The following MSI2 variants were observed in gnomAD, a reference collection of about 807,000 sequenced individuals.
MSI2 encodes the protein RNA-binding protein Musashi homolog 2.
MSI2 carries 17 observed loss-of-function variants against 45.6 expected under a neutral mutation model. That is an observed-to-expected ratio of 0.37 (90% CI 0.26 to 0.56). The LOEUF is 0.56. Ranked by LOEUF, MSI2 falls within the 20% of genes least tolerant of loss-of-function variation. The pLI, the probability that MSI2 is intolerant of heterozygous loss-of-function variation, is 0.77. For synonymous variants in MSI2, 156 were observed against 158.2 expected (o/e 0.99, Z 0.11); for missense variants, 293 against 444.2 (o/e 0.66, Z 3.06).
At chr17:57,675,215 G>A (rs768140395) in intron 12 of MSI2, 89 bp downstream of exon 12, 20 of 1,317,920 alleles carry the variant, frequency 1.5e-5, no homozygotes, top group African/African-American at 2.9e-5. Context: ...GCCCAACATC[G>A]GGGGCAGAGG....
At chr17:57,427,917 G>T (rs1383649001) in intron 6 of MSI2, among the ~76,000 whole-genome samples, 2 of 151,850 alleles carry the variant, frequency 1.3e-5, no homozygotes, top group African/African-American at 4.8e-5. Flanking sequence ...CACATATTTT[G>T]AATAATTCTT....
At chr17:57,287,715 G>A (rs1910044835) in intron 5 of MSI2, among the ~76,000 whole-genome samples, 1 of 152,212 alleles carries the variant, frequency 6.6e-6, no homozygotes, top group African/African-American at 2.4e-5. Context: ...ACACCTGGCC[G>A]GCCTGGCAGT....
chr17:57,632,268 G>T, intron 10 of MSI2: 7 of 1,081,354 alleles, frequency 6.5e-6, no homozygotes, highest in Non-Finnish European at 7.9e-6. Context: ...GTGACTTGGA[G>T]CACCCGTGTC....
intron 6 of MSI2, among the ~76,000 whole-genome samples, chr17:57,471,878 GGA>G (rs1398279719): frequency 6.6e-6 from 1 of 152,212 alleles, no homozygotes; most frequent in African/African-American, 2.4e-5. Flanking sequence ...GGAGAGGAGA[GGA>G]GAGGGGAGGG....
At chr17:57,655,050 T>C (rs1328766190) in intron 11 of MSI2, among the ~76,000 whole-genome samples, 1 of 151,872 alleles carries the variant, frequency 6.6e-6, no homozygotes. Flanking sequence ...ATCAGGGCTA[T>C]GGTGTCAGGG....
intron 5 of MSI2, among the ~76,000 whole-genome samples, chr17:57,344,988 G>A (rs1363411069): frequency 6.6e-6 from 1 of 152,126 alleles, no homozygotes; most frequent in Non-Finnish European, 1.5e-5. Flanking sequence ...ACTTGAACCC[G>A]GGAGGTGGAG....
At chr17:57,698,892 A>AGTGTGT in the MSI2 span, among the ~76,000 whole-genome samples, 356 of 118,714 alleles carry the variant, frequency 3.0e-3, 16 homozygotes, top group Admixed American at 6.4e-3. Context: ...GATACAAGGA[A>AGTGTGT]GTGTGTGTGT....
chr17:57,309,736 C>T (rs1281397140), intron 5 of MSI2, among the ~76,000 whole-genome samples: 1 of 151,968 alleles, frequency 6.6e-6, no homozygotes, highest in Admixed American at 6.5e-5. Context: ...AGGAAGGAGT[C>T]GTTGGGGAAG....
intron 5 of MSI2, among the ~76,000 whole-genome samples, chr17:57,337,262 C>T (rs1914755519): frequency 6.6e-6 from 1 of 152,154 alleles, no homozygotes; most frequent in Admixed American, 6.5e-5. Flanking sequence ...GACAAGAAAA[C>T]CCTTGTTTTC....
chr17:57,694,800 T>C, the MSI2 span, among the ~76,000 whole-genome samples: 9 of 152,218 alleles, frequency 5.9e-5, no homozygotes, highest in African/African-American at 2.2e-4. Flanking sequence ...CCTGGCTTGA[T>C]AGGTTAACTG....
intron 7 of MSI2, among the ~76,000 whole-genome samples, chr17:57,537,774 C>T (rs1437052110): frequency 6.6e-6 from 1 of 152,218 alleles, no homozygotes; most frequent in Non-Finnish European, 1.5e-5. Flanking sequence ...TAATACAAAG[C>T]CCTCAACTTC....
chr17:57,436,083 A>G (rs1280244179), intron 6 of MSI2, among the ~76,000 whole-genome samples: 1 of 152,218 alleles, frequency 6.6e-6, no homozygotes, highest in Non-Finnish European at 1.5e-5. Flanking sequence ...TGATGAAGCA[A>G]TTAAAAGCAG....
intron 10 of MSI2, among the ~76,000 whole-genome samples, chr17:57,649,303 C>T (rs868363738): frequency 9.3e-5 from 14 of 151,278 alleles, no homozygotes; most frequent in African/African-American, 3.4e-4. Flanking sequence ...AAACACAACA[C>T]ACACAACACA....
intron 6 of MSI2, among the ~76,000 whole-genome samples, chr17:57,500,967 A>G (rs147966904): frequency 2.4e-4 from 37 of 152,038 alleles, no homozygotes; most frequent in African/African-American, 8.4e-4. Context: ...TGTCTTGAAA[A>G]AAAAAAAAAT....
intron 6 of MSI2, among the ~76,000 whole-genome samples, chr17:57,429,551 C>T (rs1280047634): frequency 6.6e-6 from 1 of 152,064 alleles, no homozygotes; most frequent in East Asian, 1.9e-4. Context: ...ACATTTGCAG[C>T]GCATTGAAGG....
intron 7 of MSI2, among the ~76,000 whole-genome samples, chr17:57,544,483 C>T (rs1203476618): frequency 6.6e-6 from 1 of 152,084 alleles, no homozygotes; most frequent in Admixed American, 6.5e-5. Context: ...CGGGGTAGGG[C>T]GCTGCAGGTA....
chr17:57,635,901 A>G (rs877071), intron 10 of MSI2, among the ~76,000 whole-genome samples: 109,513 of 152,196 alleles, frequency 0.72, 40,226 homozygotes, highest in African/African-American at 0.86. Flanking sequence ...GGAAGGACTC[A>G]CGGCCTGTCT....
rs1330824331 is a variant in MSI2 at position 57,502,600 on chromosome 17, G to GAGAT, written c.406-27074_406-27071dup. 1.7e-3 allele frequency among the ~76,000 whole-genome samples: 57 copies of GAGAT among 33,992 alleles called. 1 individual carries two copies. The highest frequency in any genetic ancestry group is 8.2e-3 in the East Asian group (12 of 1,464). The allele number at this position is 33,992 out of a possible 152,430, so 22.3% of individuals were successfully genotyped here. On this transcript the variant is annotated intron_variant, in intron 6 of 13. Coordinates refer to ENST00000284073, the MANE Select transcript of MSI2 (RefSeq NM_138962.4). The stretch of plus-strand genomic sequence containing the variant: ...GACAGGGAATGGAGAAGATGACTCT[G>GAGAT]AGATATATATATATATATATATATA...
chr17:57,689,541 G>T (rs982757944), downstream of MSI2, among the ~76,000 whole-genome samples: 1 of 152,106 alleles, frequency 6.6e-6, no homozygotes, highest in African/African-American at 2.4e-5. Flanking sequence ...ATACATTGAG[G>T]TATGAAATTA....
Sources: gnomAD v4.1 joint callset for allele counts (sites outside exome capture counted in the v4.1 genomes callset) on GRCh38, gnomAD v4.1.1 for gene constraint, MANE v1.5 for transcripts, NCBI Gene and HGNC (gene_info 2026-07-23, HGNC 2026-07-21) for gene names.